MTHFD2L: variants seen among roughly 807,000 people sequenced by gnomAD.
MTHFD2L encodes the protein methylenetetrahydrofolate dehydrogenase (NADP+ dependent) 2 like.
MTHFD2L carries 29 observed loss-of-function variants against 34.9 expected under a neutral mutation model. The ratio of observed to expected loss-of-function variants is 0.83; its 90% CI spans 0.62 to 1.13. The LOEUF is 1.13. MTHFD2L is among the 50% of genes most tolerant of loss of function. MTHFD2L has a pLI of 0.00. For synonymous variants in MTHFD2L, 167 were observed against 155.7 expected, an observed-to-expected ratio of 1.07 and a Z score of -0.54; for missense variants, 481 against 446.5, an observed-to-expected ratio of 1.08 and a Z score of -0.70.
At chr4:74,251,550 A>C (rs575880545) in intron 6 of MTHFD2L, among the ~76,000 whole-genome samples, 23 of 152,126 alleles carry the variant, frequency 1.5e-4, no homozygotes, top group Non-Finnish European at 2.8e-4. Context: ...TCTTCTGTTC[A>C]GAGTAGTTTT....
chr4:74,168,971 C>G (rs1304570317), intron 1 of MTHFD2L, among the ~76,000 whole-genome samples: 2 of 152,210 alleles, frequency 1.3e-5, no homozygotes, highest in East Asian at 3.8e-4. Context: ...TACAGGCACT[C>G]TCTCATTGGA....
intron 3 of MTHFD2L, among the ~76,000 whole-genome samples, chr4:74,186,438 GAAAAA>G (rs59325238): frequency 6.8e-5 from 6 of 88,192 alleles, no homozygotes; most frequent in South Asian, 4.6e-4. Flanking sequence ...GGGAATCCAT[GAAAAA>G]AAAAAAAAAA....
intron 2 of MTHFD2L, 65 bp downstream of exon 2, chr4:74,174,755 T>C: frequency 1.8e-6 from 2 of 1,119,638 alleles, no homozygotes; most frequent in Non-Finnish European, 1.2e-6. Context: ...CAAATTGTGA[T>C]AATTATGAAT....
intron 1 of MTHFD2L, among the ~76,000 whole-genome samples, chr4:74,133,554 C>G (rs547650432): frequency 9.2e-5 from 14 of 152,112 alleles, no homozygotes; most frequent in African/African-American, 3.4e-4. Flanking sequence ...AATAGCCAGT[C>G]TTTGAGCTCA....
At chr4:74,141,946 A>G (rs144186384) in intron 1 of MTHFD2L, among the ~76,000 whole-genome samples, 1 of 152,354 alleles carries the variant, frequency 6.6e-6, no homozygotes, top group East Asian at 1.9e-4. Context: ...TCATTATGAA[A>G]AAAAATCAAC....
chr4:74,281,608 T>C (rs982535627), intron 7 of MTHFD2L, 58 bp downstream of exon 7: 2 of 1,512,174 alleles, frequency 1.3e-6, no homozygotes, highest in African/African-American at 1.4e-5. Context: ...ACCTTACGTA[T>C]TTTAAAAATA....
intron 2 of MTHFD2L, among the ~76,000 whole-genome samples, chr4:74,118,167 T>A (rs1263257794): frequency 6.6e-6 from 1 of 152,144 alleles, no homozygotes; most frequent in Admixed American, 6.6e-5. Flanking sequence ...ATAATTAAGC[T>A]TAGTAAAATA....
chr4:74,160,936 C>T (rs1028813789), intron 1 of MTHFD2L: 2 of 152,232 alleles, frequency 1.3e-5, no homozygotes, highest in African/African-American at 4.8e-5. Context: ...CTTATTCTAC[C>T]TGAACTACTT....
At chr4:74,162,889 A>G (rs528825244) in intron 1 of MTHFD2L, among the ~76,000 whole-genome samples, 1 of 152,178 alleles carries the variant, frequency 6.6e-6, no homozygotes, top group Non-Finnish European at 1.5e-5. Flanking sequence ...TTCTTTTTGA[A>G]ACATTTATTA....
At position 74,125,910 on chromosome 4, in the gene MTHFD2L, A is replaced by G. The variant is rs534275726; in HGVS notation, c.-297+393A>G. ...CAAGAATTTCTTATTAAATATGTTA[A>G]CAAAACTCGAAGTGAATAAAAGTTA... is the stretch of plus-strand genomic sequence containing the variant. On this transcript the variant is annotated intron_variant, in intron 1 of 7. Coordinates refer to the MTHFD2L transcript ENST00000433372. 7.2e-5 allele frequency among the ~76,000 whole-genome samples: 11 copies of G among 152,304 alleles called. No individual in the cohort carries two copies. In the South Asian group the frequency reaches 2.3e-3, roughly 32 times the overall value.
rs3832298 is a variant in MTHFD2L at position 74,281,324 on chromosome 4, C to CGTGT, written c.806-78_806-75dup. The CGTGT allele has an allele frequency of 6.1e-4, 526 of 867,586 alleles. 1 individual carries two copies. The highest frequency in any genetic ancestry group is 4.8e-3 in the African/African-American group (248 of 51,492). The allele number at this position is 867,586 out of a possible 1,614,324, so 53.7% of individuals were successfully genotyped here. Reference sequence around the variant, plus strand: ...TTTAAGGAACAATGTATTACACATACGTGTGTGTGTGTGTGTGTGTGTGTG... The same window carrying CGTGT: ...TTTAAGGAACAATGTATTACACATACGTGTGTGTGTGTGTGTGTGTGTGTGTGTG... On this transcript the variant is annotated intron_variant, in intron 6 of 7. Transcript: ENST00000325278.
rs770015624 is a variant in MTHFD2L, at chr4:74,301,711, G to A, written c.946G>A (p.Ala316Thr). 1.5e-5 allele frequency: 24 copies of A among 1,575,400 alleles called. No individual in the cohort carries two copies. The highest frequency in any genetic ancestry group is 2.0e-5 in the Non-Finnish European group (23 of 1,164,044). Residue 316 changes from alanine to threonine, a missense_variant, in exon 8 of 8, where the codon GCT becomes ACT. Coordinates refer to ENST00000325278, the MANE Select transcript of MTHFD2L (RefSeq NM_001144978.3). ...TTCCTCATCAGCTGTTAAAAAGAAA[G>A]CTGGCTTTATCACTCCAGTTCCAGG... Reference protein sequence around the residue: ...DVDFEAVKKKAGFITPVPGGV... With the variant: ...DVDFEAVKKKTGFITPVPGGV...
upstream of MTHFD2L, among the ~76,000 whole-genome samples, chr4:74,118,362 C>T (rs1019859389): frequency 1.3e-5 from 2 of 152,180 alleles, no homozygotes; most frequent in East Asian, 3.8e-4. Context: ...ATTGTAATTA[C>T]TGCAAAGGCT....
At chr4:74,159,768 C>G in intron 1 of MTHFD2L, among the ~76,000 whole-genome samples, 1 of 152,194 alleles carries the variant, frequency 6.6e-6, no homozygotes, top group African/African-American at 2.4e-5. Flanking sequence ...GCTATTATCC[C>G]TATGCACTGT....
chr4:74,140,221 C>T (rs1723195302), intron 1 of MTHFD2L, among the ~76,000 whole-genome samples: 1 of 151,986 alleles, frequency 6.6e-6, no homozygotes, highest in Non-Finnish European at 1.5e-5. Context: ...GGAAAGTCAC[C>T]TGAGCTCAGG....
chr4:74,172,329 G>A (rs949660717), intron 1 of MTHFD2L, among the ~76,000 whole-genome samples: 2 of 152,142 alleles, frequency 1.3e-5, no homozygotes, highest in East Asian at 3.9e-4. Context: ...AATATGTCCA[G>A]TTTATTATAT....
At chr4:74,297,176 C>T (rs1189392555) in intron 7 of MTHFD2L, among the ~76,000 whole-genome samples, 4 of 152,090 alleles carry the variant, frequency 2.6e-5, no homozygotes, top group Non-Finnish European at 5.9e-5. Context: ...TAATTATTAA[C>T]TTTCCTCAAA....
At chr4:74,121,133 C>T (rs779658526), upstream of MTHFD2L, among the ~76,000 whole-genome samples, 1 of 152,158 alleles carries the variant, frequency 6.6e-6, no homozygotes, top group Non-Finnish European at 1.5e-5. Context: ...CCTGTCTCAG[C>T]TTTCAAAAGA....
At chr4:74,193,200 A>T (rs533386211) in intron 3 of MTHFD2L, among the ~76,000 whole-genome samples, 4 of 152,274 alleles carry the variant, frequency 2.6e-5, no homozygotes, top group South Asian at 4.1e-4. Flanking sequence ...TTCAAGTACT[A>T]TTTGTTGAAA....
Sources: gnomAD v4.1 joint callset for allele counts (sites outside exome capture counted in the v4.1 genomes callset) on GRCh38, gnomAD v4.1.1 for gene constraint, MANE v1.5 for transcripts, NCBI Gene and HGNC (gene_info 2026-07-23, HGNC 2026-07-21) for gene names.